LMF1: variants seen among roughly 807,000 people sequenced by gnomAD.
The protein encoded by LMF1 is transmembrane protein 112.
LMF1 carries 68 observed loss-of-function variants against 60.6 expected under a neutral mutation model. That is an observed-to-expected ratio of 1.12 (90% CI 0.92 to 1.37). The LOEUF (loss-of-function observed/expected upper bound fraction) is 1.37, where lower values mean the gene tolerates loss of function less well. Among genes scored for constraint, LMF1 ranks in the 40% most tolerant of loss-of-function variants. LMF1 has a pLI of 0.00. For missense variants in LMF1, 948 were observed against 767.2 expected (o/e 1.24, Z -2.78); for synonymous variants, 418 against 324.7 (o/e 1.29, Z -3.09).
chr16:886,961 A>G (rs901836119), intron 5 of LMF1: 1 of 151,192 alleles, frequency 6.6e-6, no homozygotes, highest in Admixed American at 6.6e-5. Context: ...ACAAAAACCA[A>G]TAAAACAGCC....
At chr16:978,005 C>G (rs1482797649) in intron 1 of LMF1, among the ~76,000 whole-genome samples, 6 of 138,050 alleles carry the variant, frequency 4.3e-5, no homozygotes, top group Admixed American at 7.3e-5. Flanking sequence ...CACACACACA[C>G]CACACACACA....
intron 3 of LMF1, among the ~76,000 whole-genome samples, chr16:921,590 G>T (rs1256079228): frequency 6.6e-6 from 1 of 152,218 alleles, no homozygotes; most frequent in Non-Finnish European, 1.5e-5. Flanking sequence ...GGGACTTTCT[G>T]GGGTGACGGC....
intron 2 of LMF1, among the ~76,000 whole-genome samples, chr16:941,044 AC>A (rs2072088696): frequency 6.6e-6 from 1 of 152,242 alleles, no homozygotes; most frequent in East Asian, 1.9e-4. Context: ...GTCTCTGTAC[AC>A]CTCTGATAAT....
intron 6 of LMF1, among the ~76,000 whole-genome samples, chr16:876,169 A>T (rs2069966592): frequency 6.6e-6 from 1 of 152,230 alleles, no homozygotes; most frequent in Non-Finnish European, 1.5e-5. Context: ...CGTGCGGACC[A>T]CGGGCGTCTC....
At chr16:948,385 A>T (rs1183567346) in intron 2 of LMF1, among the ~76,000 whole-genome samples, 1 of 149,582 alleles carries the variant, frequency 6.7e-6, no homozygotes, top group African/African-American at 2.5e-5. Context: ...GTCAGAGCCA[A>T]CGTCAGAGTC....
chr16:892,900 T>G, intron 5 of LMF1, 107 bp downstream of exon 5: 6 of 840,920 alleles, frequency 7.1e-6, no homozygotes, highest in Non-Finnish European at 1.1e-5. Flanking sequence ...GGGGTGACCC[T>G]GTGATGCGAC....
chr16:866,086 T>C lies in LMF1; in HGVS notation c.1529+2858A>G, dbSNP rs187610568. On this transcript the variant is annotated intron_variant, in intron 10 of 10. Coordinates refer to ENST00000262301, the MANE Select transcript of LMF1 (RefSeq NM_022773.4). ...TCACATCTCTGTGAAGTCACTCTAA[T>C]ACCTCCCTCATCTTGGTGCTATCAT... is the stretch of plus-strand genomic sequence containing the variant. 3.2e-3 allele frequency among the ~76,000 whole-genome samples: 482 copies of C among 152,342 alleles called. 7 individuals carry two copies. Among genetic ancestry groups the C allele is most frequent in the Admixed American group, 0.029 (446 of 15,300 alleles).
intron 3 of LMF1, among the ~76,000 whole-genome samples, chr16:925,892 T>C (rs1210830258): frequency 1.3e-5 from 2 of 152,294 alleles, no homozygotes; most frequent in Non-Finnish European, 2.9e-5. Context: ...TATGTGCATC[T>C]GCATGTGTGT....
chr16:907,624 T>C (rs2071003149), intron 4 of LMF1, among the ~76,000 whole-genome samples: 1 of 152,042 alleles, frequency 6.6e-6, no homozygotes, highest in African/African-American at 2.4e-5. Context: ...TGCTGGTTTC[T>C]GAGTGAATCC....
Position 946,309 on chromosome 16 carries a change from C to G in LMF1, c.503+8048G>C, listed in dbSNP as rs370627942. 8.5e-5 allele frequency among the ~76,000 whole-genome samples: 13 copies of G among 152,354 alleles called. No individual in the cohort carries two copies. The East Asian group carries it at 1.5e-3, about 18-fold the overall frequency. On this transcript the variant is annotated intron_variant, in intron 2 of 10. Transcript: ENST00000262301. Reference sequence around the variant, plus strand: ...CGGATGTAGCCACTTGTGTGCTTTCCGAATTCACTGTATTGTTGCAAATCC... The same window carrying G: ...CGGATGTAGCCACTTGTGTGCTTTCGGAATTCACTGTATTGTTGCAAATCC...
intron 1 of LMF1, chr16:979,339 A>G: frequency 5.7e-6 from 2 of 353,740 alleles, no homozygotes; most frequent in South Asian, 4.2e-5. Flanking sequence ...CCCTCCCGGG[A>G]GTGCACCAAC....
chr16:950,718 CAG>C (rs1290567865), intron 2 of LMF1, among the ~76,000 whole-genome samples: 16 of 140,824 alleles, frequency 1.1e-4, no homozygotes, highest in African/African-American at 2.5e-4. Flanking sequence ...ATGACAGAGT[CAG>C]AGCCAACGAC....
At chr16:914,624 C>G (rs112393256) in intron 3 of LMF1, among the ~76,000 whole-genome samples, 1 of 2,236 alleles carries the variant, frequency 4.5e-4, no homozygotes, top group Non-Finnish European at 9.8e-4. Flanking sequence ...TCCCCATGAC[C>G]ATTGGTGACA....
chr16:920,909 T>C (rs950052586), intron 3 of LMF1: 4 of 152,238 alleles, frequency 2.6e-5, no homozygotes, highest in South Asian at 4.1e-4. Context: ...AGCAAGCATC[T>C]GCAGGCATCT....
At chr16:855,353 T>C (rs772458563) in intron 10 of LMF1, 8 of 294,328 alleles carry the variant, frequency 2.7e-5, no homozygotes, top group Non-Finnish European at 4.7e-5. Context: ...TGGAGCAGGG[T>C]AGCGGGCAGG....
rs890907443 is a variant in LMF1, at chr16:981,078, G to C, written c.-135+67C>G. ...GCCCCCGCCCGCGCTCTCCACGCTC[G>C]CACTCGTATGGGCAGGGCGGCCCGG... On this transcript the variant is annotated intron_variant, in intron 1 of 6. Coordinates refer to the LMF1 transcript ENST00000570014. 7 of 282,672 alleles carry C rather than the reference G, an allele frequency of 2.5e-5. No homozygotes were observed. In the Admixed American group the frequency reaches 3.2e-4, roughly 13 times the overall value. 17.5% of individuals were successfully genotyped at this position (282,672 alleles called of 1,614,324 possible). A position where few individuals can be genotyped will look rare whatever the true frequency, so the allele number is the denominator to read the frequency against.
intron 5 of LMF1, among the ~76,000 whole-genome samples, chr16:891,850 C>T (rs34664936): frequency 0.38 from 57,824 of 152,192 alleles, 12,123 homozygotes; most frequent in African/African-American, 0.54. Flanking sequence ...GTGTGCCCTG[C>T]GGCTGCTCCC....
intron 3 of LMF1, among the ~76,000 whole-genome samples, chr16:912,271 G>A (rs563153974): frequency 4.6e-5 from 7 of 152,188 alleles, no homozygotes; most frequent in Non-Finnish European, 7.4e-5. Flanking sequence ...GGGAGAGTGC[G>A]GAGGGGAAGC....
At chr16:884,624 A>T in intron 5 of LMF1, among the ~76,000 whole-genome samples, 1 of 152,164 alleles carries the variant, frequency 6.6e-6, no homozygotes, top group African/African-American at 2.4e-5. Flanking sequence ...AGAGCTCTGG[A>T]AGTGGTGATG....
Sources: gnomAD v4.1 joint callset for allele counts (sites outside exome capture counted in the v4.1 genomes callset) on GRCh38, gnomAD v4.1.1 for gene constraint, MANE v1.5 for transcripts, NCBI Gene and HGNC (gene_info 2026-07-23, HGNC 2026-07-21) for gene names.